The following ZFHX3 variants were observed in gnomAD, a reference collection of about 807,000 sequenced individuals.
ZFHX3 encodes zinc finger homeobox 3.
ZFHX3 carries 42 observed loss-of-function variants against 279.1 expected under a neutral mutation model. That is an observed-to-expected ratio of 0.15 (90% CI 0.12 to 0.19). ZFHX3 has a LOEUF of 0.19. Among genes scored for constraint, ZFHX3 ranks in the 10% least tolerant of loss-of-function variants. The pLI is 1.00. For synonymous variants in ZFHX3, 2,293 were observed against 1,957.8 expected (o/e 1.17, Z -4.52); for missense variants, 4,981 against 4,754.0 (o/e 1.05, Z -1.40).
At chr16:72,865,690 T>G (rs1443690045) in intron 4 of ZFHX3, among the ~76,000 whole-genome samples, 2 of 151,836 alleles carry the variant, frequency 1.3e-5, no homozygotes, top group Non-Finnish European at 2.9e-5. Context: ...GGGTTGGAGG[T>G]GGTCAGGGTC....
At chr16:73,697,058 A>C (rs2053204163) in intron 1 of ZFHX3, among the ~76,000 whole-genome samples, 1 of 152,186 alleles carries the variant, frequency 6.6e-6, no homozygotes, top group African/African-American at 2.4e-5. Flanking sequence ...GTTATTTATA[A>C]ATTTTTTTGT....
At chr16:72,858,156 G>C (rs1432261966) in intron 4 of ZFHX3, among the ~76,000 whole-genome samples, 1 of 152,170 alleles carries the variant, frequency 6.6e-6, no homozygotes, top group Non-Finnish European at 1.5e-5. Flanking sequence ...GGGCCTTTCT[G>C]GTCAACACCT....
At chr16:73,361,307 T>A (rs1242761753) in intron 3 of ZFHX3, among the ~76,000 whole-genome samples, 5 of 152,234 alleles carry the variant, frequency 3.3e-5, no homozygotes, top group Admixed American at 2.6e-4. Context: ...AGAAGAGGCT[T>A]GATAGGTGCT....
rs114959110 is a variant in ZFHX3 at position 73,145,377 on chromosome 16, G to T, written c.-1103-1546C>A. Among the ~76,000 whole-genome samples, 736 of 152,332 alleles carry T rather than the reference G, an allele frequency of 4.8e-3. 7 individuals are homozygous for T. Among genetic ancestry groups the T allele is most frequent in the African/African-American group, 0.017 (697 of 41,582 alleles). On this transcript the variant is annotated intron_variant, in intron 5 of 17. Coordinates refer to the ZFHX3 transcript ENST00000641206. ...GTCAGGGTGTAGCTGCTGGCTAATA[G>T]AGTGTCAGCTAACACTGTTGTCAAA...
At chr16:73,782,521 C>G (rs1959507158) in intron 1 of ZFHX3, among the ~76,000 whole-genome samples, 1 of 152,218 alleles carries the variant, frequency 6.6e-6, no homozygotes, top group Non-Finnish European at 1.5e-5. Context: ...AGTTATTCAT[C>G]TGCCATCCTT....
chr16:72,904,308 G>A (rs2039113898), intron 3 of ZFHX3, among the ~76,000 whole-genome samples: 1 of 151,832 alleles, frequency 6.6e-6, no homozygotes, highest in South Asian at 2.1e-4. Context: ...GGAGGTCGCA[G>A]TGAGCCGAGA....
chr16:72,921,255 TC>T (rs1204195653), intron 3 of ZFHX3, among the ~76,000 whole-genome samples: 5 of 152,120 alleles, frequency 3.3e-5, no homozygotes, highest in African/African-American at 9.7e-5. Flanking sequence ...CCGGGTGGTG[TC>T]ATCAACGAAG....
intron 2 of ZFHX3, among the ~76,000 whole-genome samples, chr16:73,559,538 G>A (rs901600588): frequency 6.6e-6 from 1 of 152,180 alleles, no homozygotes; most frequent in African/African-American, 2.4e-5. Flanking sequence ...TGAGTTGTCA[G>A]AAGAGCGAAC....
chr16:73,325,928 A>ACAAACACAC (rs1567451240), intron 3 of ZFHX3, among the ~76,000 whole-genome samples: 9 of 145,572 alleles, frequency 6.2e-5, no homozygotes, highest in South Asian at 2.2e-4. Flanking sequence ...CACACACACA[A>ACAAACACAC]ACACACACAC....
chr16:73,702,469 G>C (rs2053257997), intron 1 of ZFHX3, among the ~76,000 whole-genome samples: 1 of 152,138 alleles, frequency 6.6e-6, no homozygotes, highest in African/African-American at 2.4e-5. Flanking sequence ...CAAAGAACAG[G>C]TCCCTGTAGG....
chr16:73,388,193 C>A (rs532498438), intron 3 of ZFHX3, among the ~76,000 whole-genome samples: 2 of 152,266 alleles, frequency 1.3e-5, no homozygotes, highest in East Asian at 3.9e-4. Flanking sequence ...CAGCAAATGG[C>A]TGCCACAGGT....
intron 2 of ZFHX3, among the ~76,000 whole-genome samples, chr16:73,566,748 G>A (rs915164936): frequency 1.4e-4 from 20 of 146,790 alleles, no homozygotes; most frequent in Admixed American, 2.8e-4. Flanking sequence ...AGGCTGGAGC[G>A]CAATGGGTGG....
intron 1 of ZFHX3, among the ~76,000 whole-genome samples, chr16:73,857,964 G>T (rs1961780430): frequency 6.6e-6 from 1 of 151,928 alleles, no homozygotes; most frequent in African/African-American, 2.4e-5. Context: ...AGCTGGTGGT[G>T]CCACGCCTGT....
chr16:73,651,486 A>G (rs1406209402), intron 2 of ZFHX3, among the ~76,000 whole-genome samples: 1 of 151,934 alleles, frequency 6.6e-6, no homozygotes, highest in African/African-American at 2.4e-5. Context: ...GAAACATCAC[A>G]ATGAAACTAC....
intron 3 of ZFHX3, among the ~76,000 whole-genome samples, chr16:73,445,278 GTGTGTATATA>G (rs1475086834): frequency 4.5e-5 from 3 of 66,124 alleles, no homozygotes; most frequent in Non-Finnish European, 1.4e-4. Flanking sequence ...ATGTATATAT[GTGTGTATATA>G]TATATGTATA....
chr16:73,416,815 A>T (rs1323765591), intron 3 of ZFHX3, among the ~76,000 whole-genome samples: 1 of 149,156 alleles, frequency 6.7e-6, no homozygotes. Context: ...CGGAGCCTGC[A>T]GTGAGCCGAG....
chr16:73,206,848 T>G lies in ZFHX3; in HGVS notation c.-1104+50199A>C, dbSNP rs551309656. Among the ~76,000 whole-genome samples the G allele has an allele frequency of 4.3e-4, 66 of 151,990 alleles. 3 individuals carry two copies. The highest frequency in any genetic ancestry group is 1.6e-3 in the Admixed American group (25 of 15,244). ...GCCTGGCCAACATGGTGAAACCCCA[T>G]TTCTAATAAAAATATTAAAATTATC... On this transcript the variant is annotated intron_variant, in intron 5 of 17. Coordinates refer to the ZFHX3 transcript ENST00000641206.
intron 2 of ZFHX3, among the ~76,000 whole-genome samples, chr16:73,475,419 T>C (rs1320603299): frequency 1.3e-5 from 2 of 152,208 alleles, no homozygotes; most frequent in Non-Finnish European, 2.9e-5. Context: ...AGAACAATAC[T>C]GTTTAGCATG....
At chr16:73,064,465 T>C (rs998789718), upstream of ZFHX3, among the ~76,000 whole-genome samples, 1 of 151,042 alleles carries the variant, frequency 6.6e-6, no homozygotes, top group African/African-American at 2.4e-5. Context: ...GCCGCTCAAA[T>C]CTAGAGAGGT....
Sources: gnomAD v4.1 joint callset for allele counts (sites outside exome capture counted in the v4.1 genomes callset) on GRCh38, gnomAD v4.1.1 for gene constraint, MANE v1.5 for transcripts, NCBI Gene and HGNC (gene_info 2026-07-23, HGNC 2026-07-21) for gene names.